The following EXTL3 variants were observed in gnomAD, a reference collection of about 807,000 sequenced individuals.
EXTL3 encodes exostosin-like 3.
EXTL3 carries 27 observed loss-of-function variants against 69.3 expected under a neutral mutation model. The observed-to-expected ratio is 0.39, with a 90% CI of 0.29 to 0.54. The LOEUF is 0.54. Ranked by LOEUF, EXTL3 falls within the 20% of genes least tolerant of loss-of-function variation. The pLI, the probability that EXTL3 is intolerant of heterozygous loss-of-function variation, is 0.69. For missense variants in EXTL3, 1,003 were observed against 1,231.8 expected, an observed-to-expected ratio of 0.81 and a Z score of 2.78; for synonymous variants, 511 against 499.4, an observed-to-expected ratio of 1.02 and a Z score of -0.31.
At position 28,716,968 on chromosome 8, in the gene EXTL3, C is replaced by T; in HGVS notation, c.909C>T (p.Phe303=). Residue 303 remains phenylalanine (F), a synonymous_variant, in exon 3 of 7, where the codon TTC becomes TTT. Coordinates refer to ENST00000220562, the MANE Select transcript of EXTL3 (RefSeq NM_001440.4). This position sits in a 1 kb window ranked among gnomAD's most constrained non-coding sequence, Gnocchi z 7.1. ...TGRAMVAQST[F]YTVQYRPGFD... is the part of the protein sequence containing the mutation. Reference sequence around the variant, plus strand: ...GTGCCATGGTGGCCCAGTCCACCTTCTACACTGTCCAGTACAGACCTGGCT... The same window carrying T: ...GTGCCATGGTGGCCCAGTCCACCTTTTACACTGTCCAGTACAGACCTGGCT... 6.2e-7 allele frequency: 1 copy of T among 1,614,222 alleles called. No individual in the cohort carries two copies. Among genetic ancestry groups the T allele is most frequent in the East Asian group, 2.2e-5 (1 of 44,882 alleles).
At chr8:28,629,957 G>C (rs1806548341) in intron 1 of EXTL3, among the ~76,000 whole-genome samples, 1 of 152,156 alleles carries the variant, frequency 6.6e-6, no homozygotes, top group Admixed American at 6.6e-5. Flanking sequence ...CAATTTTCCT[G>C]GGACGACATC....
chr8:28,729,598 A>C (rs1224092933), intron 3 of EXTL3, among the ~76,000 whole-genome samples: 1 of 87,630 alleles, frequency 1.1e-5, no homozygotes, highest in African/African-American at 5.3e-5. Context: ...TCCATCTCAA[A>C]AAAAAAAAAA....
At chr8:28,639,648 C>T (rs948339517) in intron 1 of EXTL3, among the ~76,000 whole-genome samples, 5 of 152,200 alleles carry the variant, frequency 3.3e-5, no homozygotes, top group African/African-American at 9.6e-5. Context: ...TCCACCTGGA[C>T]GGTTCCTCTC....
upstream of EXTL3, among the ~76,000 whole-genome samples, chr8:28,622,540 G>C (rs1371949776): frequency 6.6e-6 from 1 of 151,154 alleles, no homozygotes; most frequent in Non-Finnish European, 1.5e-5. Context: ...AAAGGGCCGG[G>C]AGCCGACGCG....
chr8:28,641,733 C>T (rs1438947648), intron 1 of EXTL3, among the ~76,000 whole-genome samples: 1 of 152,220 alleles, frequency 6.6e-6, no homozygotes, highest in South Asian at 2.1e-4. Context: ...CCCCGACCCC[C>T]TCCGCCGCGT....
downstream of EXTL3, among the ~76,000 whole-genome samples, chr8:28,755,925 G>A (rs778116403): frequency 1.5e-3 from 222 of 152,172 alleles, no homozygotes; most frequent in Non-Finnish European, 2.1e-3. Flanking sequence ...GCCTTGGAGC[G>A]TCCCATCTAC....
At chr8:28,609,671 T>C (rs1806246268) in intron 2 of EXTL3, among the ~76,000 whole-genome samples, 1 of 151,730 alleles carries the variant, frequency 6.6e-6, no homozygotes, top group South Asian at 2.1e-4. Context: ...GGATCTCTGG[T>C]GGAGCCCAGG....
At chr8:28,739,735 C>A (rs1801736048) in intron 5 of EXTL3, among the ~76,000 whole-genome samples, 1 of 152,178 alleles carries the variant, frequency 6.6e-6, no homozygotes, top group African/African-American at 2.4e-5. Context: ...CATTCTTGCA[C>A]TTCACCTCAG....
At chr8:28,733,065 G>A (rs769085660) in intron 4 of EXTL3, among the ~76,000 whole-genome samples, 7 of 152,044 alleles carry the variant, frequency 4.6e-5, no homozygotes, top group Non-Finnish European at 1.5e-5. Flanking sequence ...TTCTGTTGAT[G>A]GATATTTGGG....
intron 2 of EXTL3, among the ~76,000 whole-genome samples, chr8:28,714,934 A>G (rs1195691577): frequency 6.6e-6 from 1 of 152,258 alleles, no homozygotes; most frequent in African/African-American, 2.4e-5. Context: ...ATTTCTAAGT[A>G]TAGTGTTCTT....
At chr8:28,658,301 C>T (rs1394362224) in intron 1 of EXTL3, among the ~76,000 whole-genome samples, 1 of 152,114 alleles carries the variant, frequency 6.6e-6, no homozygotes, top group Non-Finnish European at 1.5e-5. Context: ...AGTAGGAACA[C>T]AGTCACATGG....
intron 1 of EXTL3, among the ~76,000 whole-genome samples, chr8:28,634,419 A>G (rs1271043875): frequency 1.3e-5 from 2 of 151,964 alleles, no homozygotes; most frequent in Admixed American, 6.6e-5. Context: ...GAAGTCTGTT[A>G]CACCTTTCAT....
At chr8:28,651,191 T>G (rs1806913297) in intron 1 of EXTL3, among the ~76,000 whole-genome samples, 1 of 152,206 alleles carries the variant, frequency 6.6e-6, no homozygotes, top group African/African-American at 2.4e-5. Context: ...ATTTTCAGAT[T>G]TGGGATGCTC....
chr8:28,625,840 G>A (rs1295233131), intron 1 of EXTL3, among the ~76,000 whole-genome samples: 1 of 151,912 alleles, frequency 6.6e-6, no homozygotes, highest in Admixed American at 6.6e-5. Context: ...GACTGCTCCA[G>A]GTAGAGGGAA....
intron 1 of EXTL3, among the ~76,000 whole-genome samples, chr8:28,672,405 G>A (rs542774873): frequency 3.2e-5 from 4 of 123,258 alleles, no homozygotes; most frequent in South Asian, 3.0e-4. Flanking sequence ...GCAACCGAGC[G>A]AGACTCCTTC....
In EXTL3 at chr8:28,751,923, T is replaced by C. The variant is rs1248181538; in HGVS notation, c.*1057T>C. The C allele has an allele frequency of 6.6e-6, 1 of 152,210 alleles. No individual in the cohort carries two copies. The highest frequency in any genetic ancestry group is 2.4e-5 in the African/African-American group (1 of 41,388). The allele number at this position is 152,210 out of a possible 1,614,324, so 9.4% of individuals were successfully genotyped here. A position where few individuals can be genotyped will look rare whatever the true frequency, so the allele number is the denominator to read the frequency against. ...CCTAGTGTAGAGCAAGCCAGTGTCC[T>C]TCGAGGAACCCACCCGGCTGGCCGG... On this transcript the variant is annotated 3_prime_UTR_variant, in exon 7 of 7. Coordinates refer to ENST00000220562, the MANE Select transcript of EXTL3 (RefSeq NM_001440.4).
At chr8:28,683,741 C>T (rs1051697179) in intron 1 of EXTL3, among the ~76,000 whole-genome samples, 1 of 151,852 alleles carries the variant, frequency 6.6e-6, no homozygotes, top group Non-Finnish European at 1.5e-5. Flanking sequence ...ACCCAGGAGG[C>T]GGAGCTTGCA....
At chr8:28,658,321 C>CAGAAGT (rs1262682662) in intron 1 of EXTL3, among the ~76,000 whole-genome samples, 3 of 152,126 alleles carry the variant, frequency 2.0e-5, no homozygotes, top group East Asian at 3.9e-4. Flanking sequence ...GTTCATGGAG[C>CAGAAGT]AGAAGTCTCC....
upstream of EXTL3, chr8:28,700,004 C>T (rs1800753023): frequency 6.6e-6 from 1 of 151,636 alleles, no homozygotes; most frequent in Admixed American, 6.6e-5. Flanking sequence ...CCCCTGCCTG[C>T]TGTGGCCGCG....
Sources: allele counts gnomAD v4.1 joint callset (sites outside exome capture counted in the v4.1 genomes callset), GRCh38; gene constraint gnomAD v4.1.1; non-coding constraint Gnocchi (gnomAD v3.1); transcripts MANE v1.5; gene names NCBI Gene and HGNC (gene_info 2026-07-23, HGNC 2026-07-21).